RYR1: variants seen among roughly 807,000 people sequenced by gnomAD.
RYR1 encodes central core disease of muscle.
Under a neutral mutation model 583.5 loss-of-function variants are expected in RYR1, and 342 were observed. That is an observed-to-expected ratio of 0.59 (90% CI 0.54 to 0.64). The LOEUF is 0.64. Among genes scored for constraint, RYR1 ranks in the 30% least tolerant of loss-of-function variants. The pLI, the probability that RYR1 is intolerant of heterozygous loss-of-function variation, is 0.00. For synonymous variants in RYR1, 2,791 were observed against 2,822.5 expected, an observed-to-expected ratio of 0.99 and a Z score of 0.35; for missense variants, 6,032 against 6,917.2, an observed-to-expected ratio of 0.87 and a Z score of 4.54.
At chr19:38,482,764 A>G (rs1192731843) in intron 31 of RYR1, among the ~76,000 whole-genome samples, 1 of 152,064 alleles carries the variant, frequency 6.6e-6, no homozygotes, top group African/African-American at 2.4e-5. Context: ...TTGAATGAGT[A>G]TGCTTGGGAG....
Position 38,543,112 on chromosome 19 carries a change from A to G in RYR1, c.11690-235A>G, listed in dbSNP as rs113529339. On this transcript the variant is annotated intron_variant, in intron 84 of 105. Transcript: ENST00000359596. The surrounding 1 kb of genome is among the most constrained non-coding windows in gnomAD (Gnocchi z 4.4). ...CTGCCTGGGCCTCCCAAAGTGCTGG[A>G]ATTACAGGCGTGAGCCACCCGGCCA... Among the ~76,000 whole-genome samples, 3,464 of 152,152 alleles carry G rather than the reference A, an allele frequency of 0.023. 93 individuals are homozygous for G. The highest frequency in any genetic ancestry group is 0.073 in the Admixed American group (1,109 of 15,272).
At position 38,580,475 on chromosome 19, in the gene RYR1, C is replaced by T. The variant is rs1974152576; in HGVS notation, c.14617C>T (p.Pro4873Ser). 2 of 1,614,040 alleles carry T rather than the reference C, an allele frequency of 1.2e-6. No homozygotes were observed. The highest frequency in any genetic ancestry group is 1.7e-6 in the Non-Finnish European group (2 of 1,180,042). ...FYNKSEDEDE[P>S]DMKCDDMMTC... ...CAACAAGAGCGAGGATGAGGATGAA[C>T]CTGACATGAAGTGTGATGACATGAT... Residue 4873 changes from proline to serine, a missense_variant, in exon 101 of 106, where the codon CCT becomes TCT. Physicochemically the swap from Pro to Ser is moderately conservative, Grantham distance 74 (BLOSUM62 -1). Transcript: ENST00000359596.
Position 38,525,353 on chromosome 19 carries a change from C to T in RYR1, c.10477C>T (p.Arg3493Cys), listed in dbSNP as rs750367227. Residue 3493 changes from arginine (R) to cysteine (C), a missense_variant, in exon 71 of 106, where the codon CGC becomes TGC. Transcript: ENST00000359596. ...ACAGTCCGGTGGCTCGGACCAGGAA[C>T]GCACCAAGAAGAAGCGCCGGGGGGA... ...DIQSGGSDQERTKKKRRGDRY... is the reference protein window; with the variant it reads ...DIQSGGSDQECTKKKRRGDRY... The T allele has an allele frequency of 2.5e-6, 4 of 1,613,888 alleles. No individual in the cohort carries two copies. The highest frequency in any genetic ancestry group is 1.3e-5 in the African/African-American group (1 of 74,928).
chr19:38,540,892 G>A (rs2960315), intron 84 of RYR1, among the ~76,000 whole-genome samples: 10 of 128,684 alleles, frequency 7.8e-5, no homozygotes, highest in East Asian at 5.2e-4. Context: ...ATACTACAGT[G>A]TAATAAACCT....
In RYR1 at chr19:38,496,430, G is replaced by A; in HGVS notation, c.6685G>A (p.Val2229Met). The A allele has an allele frequency of 6.2e-7, 1 of 1,613,836 alleles. No individual in the cohort carries two copies. The highest frequency in any genetic ancestry group is 1.6e-4 in the Middle Eastern group (1 of 6,062). ...CCAGGAGATCCGCTTCCCCAAGATG[G>A]TGACAAGCTGCTGCCGCTTCCTCTG... ...ESKEIRFPKM[V>M]TSCCRFLCYF... Residue 2229 changes from valine to methionine, a missense_variant, in exon 41 of 106, where the codon GTG becomes ATG. Val to Met is a conservative substitution (Grantham distance 21). Transcript: ENST00000359596. This position sits in a 1 kb window ranked among gnomAD's most constrained non-coding sequence, Gnocchi z 4.8.
chr19:38,464,725 G>T lies in RYR1; in HGVS notation c.2870+3G>T. On this transcript the variant is annotated splice_donor_region_variant and intron_variant, in intron 23 of 105. Transcript: ENST00000359596. ...AAGAAGACAAAACTCCCCAAGACGT[G>T]AGTGTGGGCAGCCAGGTCCCGTCTG... 1 of 1,576,548 alleles carries T rather than the reference G, an allele frequency of 6.3e-7. No individual in the cohort carries two copies. The highest frequency in any genetic ancestry group is 8.6e-7 in the Non-Finnish European group (1 of 1,160,850).
chr19:38,500,567 C>G lies in RYR1; in HGVS notation c.7324-39C>G. 6.2e-7 allele frequency: 1 copy of G among 1,610,938 alleles called. No individual in the cohort carries two copies. The highest frequency in any genetic ancestry group is 8.5e-7 in the Non-Finnish European group (1 of 1,179,486). ...GAGCAGTCACTGAGTGGGGCACCAG[C>G]GCCTGATGAGTGCCCCTCTCCCTCC... On this transcript the variant is annotated intron_variant, in intron 45 of 105. Coordinates refer to ENST00000359596, the MANE Select transcript of RYR1 (RefSeq NM_000540.3). The surrounding 1 kb of genome is among the most constrained non-coding windows in gnomAD (Gnocchi z 5.9).
In RYR1 at chr19:38,499,806, ACCGGCGGCGCGAGCAGTGAGTCTC is replaced by A. The variant is rs1568501271; in HGVS notation, c.7205_7214+14del. On this transcript the variant is annotated splice_donor_variant and splice_donor_5th_base_variant and coding_sequence_variant and intron_variant, in exon 44 of 106. Coordinates refer to ENST00000359596, the MANE Select transcript of RYR1 (RefSeq NM_000540.3). LOFTEE classifies it high-confidence loss of function. The surrounding 1 kb of genome is among the most constrained non-coding windows in gnomAD (Gnocchi z 7.3). ...AGGGATGGCCCAGGCATCCGCAGGG[ACCGGCGGCGCGAGCAGTGAGTCTC>A]CCGGCCCCCTCCTCAATAGGGCAAC... The A allele has an allele frequency of 1.2e-6, 2 of 1,605,240 alleles. No individual in the cohort carries two copies. Among genetic ancestry groups the A allele is most frequent in the Admixed American group, 3.3e-5 (2 of 59,828 alleles).
intron 64 of RYR1, among the ~76,000 whole-genome samples, chr19:38,515,449 G>A (rs1970922565): frequency 3.3e-5 from 5 of 152,214 alleles, no homozygotes; most frequent in Non-Finnish European, 1.5e-5. Flanking sequence ...TGAGATTACT[G>A]ATACAGCAAG....
intron 57 of RYR1, 127 bp downstream of exon 57, chr19:38,507,079 A>C (rs1017921054): frequency 3.4e-5 from 50 of 1,455,862 alleles, no homozygotes; most frequent in African/African-American, 4.3e-5. Flanking sequence ...ATGGAACCAG[A>C]GGGGAGGAGC....
intron 89 of RYR1, among the ~76,000 whole-genome samples, chr19:38,560,775 A>G (rs1408727071): frequency 6.7e-6 from 1 of 150,090 alleles, no homozygotes; most frequent in African/African-American, 2.4e-5. Flanking sequence ...AAAAAAAGCA[A>G]GTTTCAGCTG....
Position 38,483,022 on chromosome 19 carries a change from G to A in RYR1, c.4621-5G>A. 1 of 1,613,672 alleles carries A rather than the reference G, an allele frequency of 6.2e-7. No homozygotes were observed. The highest frequency in any genetic ancestry group is 1.1e-5 in the South Asian group (1 of 91,064). On this transcript the variant is annotated splice_region_variant and splice_polypyrimidine_tract_variant and intron_variant, in intron 31 of 105. Transcript: ENST00000359596. This position sits in a 1 kb window ranked among gnomAD's most constrained non-coding sequence, Gnocchi z 6.3. ...TGCTCACCTCGTCCTCTTCTCCTCT[G>A]CCAGGTGGAACCCAACACTAAGCTA...
intron 64 of RYR1, 96 bp from the exon 65 acceptor site, chr19:38,515,991 G>A: frequency 7.1e-7 from 1 of 1,413,874 alleles, no homozygotes; most frequent in South Asian, 1.4e-5. Flanking sequence ...CTGTCCCAAA[G>A]GGTTCTGGGA....
At chr19:38,443,252 A>G (rs1304527810) in intron 3 of RYR1, among the ~76,000 whole-genome samples, 1 of 152,192 alleles carries the variant, frequency 6.6e-6, no homozygotes, top group Non-Finnish European at 1.5e-5. Context: ...CCAGGAAACT[A>G]GAAGACGGGT....
At chr19:38,461,238 G>A (rs557672463) in intron 20 of RYR1, among the ~76,000 whole-genome samples, 8 of 152,274 alleles carry the variant, frequency 5.3e-5, no homozygotes, top group African/African-American at 1.9e-4. Context: ...TTCGAGATTA[G>A]TATGGGTAAC....
intron 96 of RYR1, among the ~76,000 whole-genome samples, chr19:38,573,689 C>A (rs1056446226): frequency 6.1e-5 from 9 of 148,418 alleles, no homozygotes; most frequent in East Asian, 2.0e-4. Context: ...CCCTTCCCCC[C>A]AGACAAAAAA....
Position 38,473,557 on chromosome 19 carries a change from C to T in RYR1, c.3946C>T (p.Pro1316Ser), listed in dbSNP as rs200894780. 3.1e-6 allele frequency: 5 copies of T among 1,599,402 alleles called. No homozygotes were observed. The highest frequency in any genetic ancestry group is 1.1e-5 in the South Asian group (1 of 89,610). Residue 1316 changes from proline (P) to serine (S), a missense_variant, in exon 28 of 106, where the codon CCC becomes TCC. Around this residue, in one of 11 missense-constraint regions of RYR1, gnomAD observed 2,627 missense variants for 2,961.3 expected, o/e 0.89. Coordinates refer to ENST00000359596, the MANE Select transcript of RYR1 (RefSeq NM_000540.3). ...ATPLAPPGLQ[P>S]PAEDEARAAE... Reference sequence around the variant, plus strand: ...CCCGCTGGCACCTCCTGGCCTGCAGCCCCCCGCCGAGGACGAGGCCCGGGC... The same window carrying T: ...CCCGCTGGCACCTCCTGGCCTGCAGTCCCCCGCCGAGGACGAGGCCCGGGC...
intron 73 of RYR1, 45 bp from the exon 74 acceptor site, chr19:38,528,261 G>C (rs139337159): frequency 1.8e-5 from 28 of 1,526,614 alleles, no homozygotes; most frequent in Non-Finnish European, 1.0e-5. Flanking sequence ...GGGAGTGAGA[G>C]GGGCAGGGTC....
rs1973322817 is a variant in RYR1, at chr19:38,564,974, C to A, written c.12640C>A (p.Arg4214Ser). The change falls in exon 91 of 106, where the codon CGC becomes AGC. Residue 4214 changes from arginine to serine, a missense_variant. Arg to Ser is a moderately radical substitution (Grantham distance 110). Coordinates refer to ENST00000359596, the MANE Select transcript of RYR1 (RefSeq NM_000540.3). ...CTCGCTTCAGGTGAAGGAGTCCAAG[C>A]GCCAGTTCATCTTCGACGTGGTGAA... ...WEMPQVKESK[R>S]QFIFDVVNEG... 1 of 1,587,720 alleles carries A rather than the reference C, an allele frequency of 6.3e-7. No homozygotes were observed. Among genetic ancestry groups the A allele is most frequent in the Non-Finnish European group, 8.6e-7 (1 of 1,167,852 alleles).
Sources: allele counts gnomAD v4.1 joint callset (sites outside exome capture counted in the v4.1 genomes callset), GRCh38; gene constraint gnomAD v4.1.1; regional missense constraint gnomAD v4.1.1; non-coding constraint Gnocchi (gnomAD v3.1); transcripts MANE v1.5; gene names NCBI Gene and HGNC (gene_info 2026-07-23, HGNC 2026-07-21).